SLK: variants seen among roughly 807,000 people sequenced by gnomAD.
The protein encoded by SLK is STE20-like serine/threonine-protein kinase.
In SLK, 67 loss-of-function variants were observed where a neutral mutation model predicts 147.7. The observed-to-expected ratio is 0.45, with a 90% CI of 0.37 to 0.56. The LOEUF (loss-of-function observed/expected upper bound fraction) is 0.56. SLK is among the 20% of genes least tolerant of loss of function. SLK has a pLI of 0.00. For synonymous variants in SLK, 441 were observed against 475.0 expected, an observed-to-expected ratio of 0.93 and a Z score of 0.93; for missense variants, 1,136 against 1,438.8, an observed-to-expected ratio of 0.79 and a Z score of 3.41.
chr10:103,994,585 C>CA (rs547613259), intron 4 of SLK, among the ~76,000 whole-genome samples: 14 of 148,730 alleles, frequency 9.4e-5, no homozygotes, highest in South Asian at 2.1e-4. Flanking sequence ...TCTTTAGGGC[C>CA]AAAAAAAAAC....
intron 1 of SLK, chr10:103,974,506 T>C (rs1385749402): frequency 1.6e-5 from 2 of 127,848 alleles, no homozygotes; most frequent in Admixed American, 8.8e-5. Context: ...TCCCAGCTAC[T>C]CGGGAGGCTG....
chr10:104,022,916 G>A (rs1355736895), intron 18 of SLK, among the ~76,000 whole-genome samples: 1 of 152,182 alleles, frequency 6.6e-6, no homozygotes, highest in Non-Finnish European at 1.5e-5. Context: ...CCCATAGTGT[G>A]GCTTTTTAAT....
At chr10:104,007,240 TTAC>T (rs1045486917) in intron 11 of SLK, among the ~76,000 whole-genome samples, 49 of 152,314 alleles carry the variant, frequency 3.2e-4, no homozygotes, top group African/African-American at 1.0e-3. Context: ...CTGATTTGCC[TTAC>T]TACTTCACAA....
At chr10:104,021,996 G>T (rs1439237084) in intron 18 of SLK, among the ~76,000 whole-genome samples, 4 of 152,162 alleles carry the variant, frequency 2.6e-5, no homozygotes. Flanking sequence ...GCTTAAATCT[G>T]CCTGGGTAAG....
At chr10:103,990,889 C>T (rs187751482) in intron 2 of SLK, 50 bp downstream of exon 2, 2 of 1,141,042 alleles carry the variant, frequency 1.8e-6, no homozygotes, top group African/African-American at 3.2e-5. Flanking sequence ...AGTTAATTGT[C>T]CTAAAGAGAT....
At chr10:104,007,819 G>A (rs766594790) in intron 11 of SLK, among the ~76,000 whole-genome samples, 1 of 147,784 alleles carries the variant, frequency 6.8e-6, no homozygotes, top group Non-Finnish European at 1.5e-5. Flanking sequence ...TGGTCATGGT[G>A]GCATGCACTG....
rs544783868 is a variant in SLK, at chr10:103,987,921, C to A, written c.151-2754C>A. On this transcript the variant is annotated intron_variant, in intron 1 of 18. Transcript: ENST00000369755. ...CCACCCTCTTAGCGTCCCTGCTGGG[C>A]CCGAGAATTAAACTGACACAAGATA... Among the ~76,000 whole-genome samples the A allele has an allele frequency of 2.6e-5, 4 of 152,172 alleles. No homozygotes were observed. The East Asian group carries it at 7.7e-4, about 29-fold the overall frequency.
rs1844083414 is a variant in SLK, at chr10:103,990,832, A to G, written c.308A>G (p.Asn103Ser). ...KLLDAFYYEN[N>S]LWILIEFCAG... ...CTAGATGCCTTCTATTATGAGAACA[A>G]TCTTTGGGTAAGTATTTTCTGTTGA... Residue 103 changes from asparagine (N) to serine (S), a missense_variant, in exon 2 of 19, where the codon AAT becomes AGT. Asn to Ser is a conservative substitution (Grantham distance 46). Coordinates refer to ENST00000369755, the MANE Select transcript of SLK (RefSeq NM_014720.4). 2.0e-6 allele frequency: 3 copies of G among 1,497,810 alleles called. No homozygotes were observed. The highest frequency in any genetic ancestry group is 2.7e-6 in the Non-Finnish European group (3 of 1,129,964). 92.8% of individuals were successfully genotyped at this position (1,497,810 alleles called of 1,614,324 possible).
intron 1 of SLK, among the ~76,000 whole-genome samples, chr10:103,979,615 C>G (rs889445702): frequency 2.6e-5 from 4 of 152,156 alleles, no homozygotes; most frequent in Non-Finnish European, 5.9e-5. Context: ...AATATCGTCC[C>G]TGATTACTAA....
chr10:103,990,595 A>T, intron 1 of SLK, 80 bp from the exon 2 acceptor site: 1 of 805,488 alleles, frequency 1.2e-6, no homozygotes, highest in Non-Finnish European at 1.8e-6. Flanking sequence ...TATGAATTAA[A>T]ACTTAAAATC....
chr10:103,986,616 T>C (rs2487993), intron 1 of SLK, among the ~76,000 whole-genome samples: 146,402 of 151,274 alleles, frequency 0.97, 71,015 homozygotes, highest in East Asian at 1. Context: ...TTTGTGGCCC[T>C]GTGGTTGGGG....
chr10:103,991,934 A>C (rs1204556275), intron 2 of SLK, among the ~76,000 whole-genome samples: 2 of 151,988 alleles, frequency 1.3e-5, no homozygotes, highest in Non-Finnish European at 2.9e-5. Context: ...TTGCACAATA[A>C]AAATTTAGAC....
chr10:104,002,612 A>G lies in SLK; in HGVS notation c.1434A>G (p.Gln478=), dbSNP rs1844265595. 3 of 1,606,924 alleles carry G rather than the reference A, an allele frequency of 1.9e-6. No individual in the cohort carries two copies. The highest frequency in any genetic ancestry group is 1.3e-5 in the African/African-American group (1 of 74,524). ...AGGAAGAAAAGGATCAGGAAAAGCAACAGATGTTTGAAAATAAGCTTATAA... is the reference window on the plus strand; with the variant it reads ...AGGAAGAAAAGGATCAGGAAAAGCAGCAGATGTTTGAAAATAAGCTTATAA... ...KSEEEKDQEK[Q]QMFENKLIKS... is the part of the protein sequence containing the mutation. The change falls in exon 9 of 19, where the codon CAA becomes CAG. Residue 478 remains glutamine (Q), a synonymous_variant. Coordinates refer to ENST00000369755, the MANE Select transcript of SLK (RefSeq NM_014720.4).
rs1227650065 is a variant in SLK at position 103,999,134 on chromosome 10, A to G, written c.603A>G (p.Val201=). 3.7e-6 allele frequency: 6 copies of G among 1,608,194 alleles called. No homozygotes were observed. In the Admixed American group the frequency reaches 1.0e-4, roughly 27 times the overall value. ...GTCTTCATAGGATGGCTCCTGAAGT[A>G]GTCATGTGTGAAACATCTAAGGACA... The part of the protein sequence containing the change: ...IGTPYWMAPE[V]VMCETSKDRP... The change falls in exon 6 of 19, where the codon GTA becomes GTG. Residue 201 remains valine, a synonymous_variant. Transcript: ENST00000369755.
intron 18 of SLK, among the ~76,000 whole-genome samples, chr10:104,022,974 G>A (rs894379632): frequency 6.6e-6 from 1 of 152,202 alleles, no homozygotes; most frequent in South Asian, 2.1e-4. Context: ...ATGCATTCAT[G>A]TAGTTTAGAA....
intron 1 of SLK, among the ~76,000 whole-genome samples, chr10:103,969,220 C>T (rs955594205): frequency 6.6e-6 from 1 of 152,178 alleles, no homozygotes. Flanking sequence ...CCGCCCGCCT[C>T]GGCCTCCCAA....
intron 9 of SLK, 91 bp downstream of exon 9, chr10:104,003,618 C>A: frequency 9.3e-7 from 1 of 1,070,598 alleles, no homozygotes; most frequent in Non-Finnish European, 1.3e-6. Context: ...AATAAAACAG[C>A]ATTAAATTAA....
intron 1 of SLK, among the ~76,000 whole-genome samples, chr10:103,987,802 C>T (rs1234111254): frequency 2.0e-5 from 3 of 151,842 alleles, no homozygotes; most frequent in African/African-American, 4.8e-5. Flanking sequence ...AGAAGGAAAA[C>T]GAGAAAGTTA....
intron 13 of SLK, among the ~76,000 whole-genome samples, chr10:104,014,428 G>A (rs1844436820): frequency 6.6e-6 from 1 of 152,148 alleles, no homozygotes; most frequent in South Asian, 2.1e-4. Context: ...TGTGACGTCT[G>A]ATATATACAA....
Sources: allele counts gnomAD v4.1 joint callset (sites outside exome capture counted in the v4.1 genomes callset), GRCh38; gene constraint gnomAD v4.1.1; transcripts MANE v1.5; gene names NCBI Gene and HGNC (gene_info 2026-07-23, HGNC 2026-07-21).